CSMD1: variants seen among roughly 807,000 people sequenced by gnomAD.
CSMD1 encodes CUB and Sushi multiple domains 1.
Under a neutral mutation model 417.5 loss-of-function variants are expected in CSMD1, and 213 were observed. The observed-to-expected ratio is 0.51, with a 90% CI of 0.46 to 0.57. The LOEUF (loss-of-function observed/expected upper bound fraction) is 0.57, where lower values mean the gene tolerates loss of function less well. CSMD1 is among the 20% of genes least tolerant of loss of function. CSMD1 has a pLI of 0.00. For missense variants in CSMD1, 6,923 were observed against 4,529.7 expected (o/e 1.53, Z -15.17); for synonymous variants, 2,862 against 1,736.8 (o/e 1.65, Z -16.11).
chr8:4,401,343 C>G (rs1474738949), intron 3 of CSMD1, among the ~76,000 whole-genome samples: 1 of 152,116 alleles, frequency 6.6e-6, no homozygotes, highest in African/African-American at 2.4e-5. Flanking sequence ...CAATCAAACC[C>G]ACACGTATTG....
intron 1 of CSMD1, among the ~76,000 whole-genome samples, chr8:4,665,064 T>A (rs1020994247): frequency 1.3e-5 from 2 of 152,184 alleles, no homozygotes; most frequent in Non-Finnish European, 2.9e-5. Flanking sequence ...GCAGAAAAGG[T>A]ATTAGTTTCC....
chr8:4,745,586 G>A (rs960515759), intron 1 of CSMD1, among the ~76,000 whole-genome samples: 1 of 152,084 alleles, frequency 6.6e-6, no homozygotes, highest in African/African-American at 2.4e-5. Context: ...TTTCTTAGAT[G>A]CTAGAAATAA....
At chr8:4,387,570 C>CAAAAGAAAAAA (rs1803536289) in intron 3 of CSMD1, among the ~76,000 whole-genome samples, 1 of 37,208 alleles carries the variant, frequency 2.7e-5, no homozygotes, top group African/African-American at 7.3e-5. Flanking sequence ...TCCAAACTGG[C>CAAAAGAAAAAA]AAAAAAAAAA....
intron 6 of CSMD1, among the ~76,000 whole-genome samples, chr8:3,733,866 A>T (rs1450090130): frequency 6.6e-6 from 1 of 152,190 alleles, no homozygotes; most frequent in Non-Finnish European, 1.5e-5. Flanking sequence ...TTTATAAATT[A>T]AACTTTATCA....
chr8:3,342,605 C>A (rs1241179532), intron 23 of CSMD1, among the ~76,000 whole-genome samples: 1 of 152,174 alleles, frequency 6.6e-6, no homozygotes, highest in African/African-American at 2.4e-5. Context: ...AACACAGCAT[C>A]TCTTTTATTT....
intron 10 of CSMD1, among the ~76,000 whole-genome samples, chr8:3,570,814 G>C (rs143490735): frequency 1.2e-4 from 18 of 152,254 alleles, no homozygotes; most frequent in African/African-American, 4.3e-4. Flanking sequence ...GCAATGGGAC[G>C]ACAAGGAGTT....
intron 3 of CSMD1, among the ~76,000 whole-genome samples, chr8:4,313,971 G>GCC: frequency 6.6e-6 from 1 of 151,684 alleles, no homozygotes; most frequent in African/African-American, 2.4e-5. Context: ...CCGAGACTGC[G>GCC]CCCCTGCACT....
chr8:3,856,868 C>T (rs777363506), intron 5 of CSMD1, among the ~76,000 whole-genome samples: 8 of 152,168 alleles, frequency 5.3e-5, no homozygotes, highest in South Asian at 2.1e-4. Flanking sequence ...CCAGCATGGA[C>T]ATGAGTCATG....
chr8:4,448,145 G>T (rs568442079), intron 2 of CSMD1, among the ~76,000 whole-genome samples: 1 of 152,014 alleles, frequency 6.6e-6, no homozygotes, highest in African/African-American at 2.4e-5. Flanking sequence ...AATGTGTATC[G>T]CTCGTATCAC....
At position 4,928,132 on chromosome 8, in the gene CSMD1, C is replaced by T. The variant is rs537592155; in HGVS notation, c.85+66200G>A. Among the ~76,000 whole-genome samples, 132 of 152,274 alleles carry T rather than the reference C, an allele frequency of 8.7e-4. 1 individual carries two copies. Among genetic ancestry groups the T allele is most frequent in the Non-Finnish European group, 1.6e-3 (108 of 68,022 alleles). On this transcript the variant is annotated intron_variant, in intron 1 of 69. Coordinates refer to ENST00000635120, the MANE Select transcript of CSMD1 (RefSeq NM_033225.6). ...GCCCACTTTGCTATTCCACCCCAGCCTCTGCCCACGTGGGACGCACACATA... is the reference window on the plus strand; with the variant it reads ...GCCCACTTTGCTATTCCACCCCAGCTTCTGCCCACGTGGGACGCACACATA...
At position 3,106,625 on chromosome 8, in the gene CSMD1, G is replaced by T; in HGVS notation, c.6852C>A (p.Tyr2284Ter). 1 of 1,612,414 alleles carries T rather than the reference G, an allele frequency of 6.2e-7. No individual in the cohort carries two copies. ...CCAAGGTGTACCCGGGGTGGCACTG[G>T]TACTTCACAAAATCTCCTAGAAGAG... Reference protein sequence around the residue: ...DDFEIGDFVKYQCHPGYTLVG... With the variant: ...DDFEIGDFVK The change falls in exon 46 of 70, where the codon TAC becomes TAA. Residue 2284 changes from tyrosine to a stop codon, truncating the protein, a stop_gained. Transcript: ENST00000635120. LOFTEE classifies it high-confidence loss of function.
intron 12 of CSMD1, among the ~76,000 whole-genome samples, chr8:3,464,583 T>G (rs922476199): frequency 6.7e-6 from 1 of 149,780 alleles, no homozygotes; most frequent in Non-Finnish European, 1.5e-5. Flanking sequence ...TTTATAAATA[T>G]ATAAATAAAT....
At chr8:4,446,588 C>T (rs986660422) in intron 2 of CSMD1, among the ~76,000 whole-genome samples, 1 of 152,106 alleles carries the variant, frequency 6.6e-6, no homozygotes, top group Admixed American at 6.6e-5. Flanking sequence ...GAGTCTCATT[C>T]TGTCACCCAG....
chr8:4,952,503 C>T (rs368348035), intron 1 of CSMD1, among the ~76,000 whole-genome samples: 1 of 151,876 alleles, frequency 6.6e-6, no homozygotes, highest in Non-Finnish European at 1.5e-5. Context: ...AAAAGTTTAC[C>T]TTTTCATGAA....
chr8:4,450,245 G>A (rs149663739), intron 2 of CSMD1, among the ~76,000 whole-genome samples: 3 of 152,192 alleles, frequency 2.0e-5, no homozygotes, highest in Non-Finnish European at 4.4e-5. Flanking sequence ...AAAGCAAAGA[G>A]ACAGTGTCTG....
rs57667165 is a variant in CSMD1 at position 4,574,391 on chromosome 8, C to T, written c.302+62951G>A. 1.4e-3 allele frequency among the ~76,000 whole-genome samples: 215 copies of T among 152,238 alleles called. 2 individuals are homozygous for T. Among genetic ancestry groups the T allele is most frequent in the African/African-American group, 5.0e-3 (207 of 41,546 alleles). On this transcript the variant is annotated intron_variant, in intron 2 of 69. Transcript: ENST00000635120. Reference sequence around the variant, plus strand: ...GGCTAGGAGAGGGGGTTACCCAGCCCCTTGCACTTCCCCGGTGAGGCAATG... The same window carrying T: ...GGCTAGGAGAGGGGGTTACCCAGCCTCTTGCACTTCCCCGGTGAGGCAATG...
intron 10 of CSMD1, among the ~76,000 whole-genome samples, chr8:3,569,842 G>C (rs943323166): frequency 1.3e-5 from 2 of 152,082 alleles, no homozygotes; most frequent in Non-Finnish European, 2.9e-5. Context: ...TAAGAGTATT[G>C]GTTGTGCGGG....
At chr8:3,326,507 T>C (rs1018050446) in intron 23 of CSMD1, among the ~76,000 whole-genome samples, 5 of 152,232 alleles carry the variant, frequency 3.3e-5, no homozygotes. Flanking sequence ...TCCTGAATGT[T>C]GTCACGTTTG....
chr8:3,067,318 G>T (rs542851833), intron 49 of CSMD1, among the ~76,000 whole-genome samples: 1 of 152,136 alleles, frequency 6.6e-6, no homozygotes, highest in South Asian at 2.1e-4. Flanking sequence ...TGCCTCAAAT[G>T]CCCATCTTTT....
Sources: gnomAD v4.1 joint callset for allele counts (sites outside exome capture counted in the v4.1 genomes callset) on GRCh38, gnomAD v4.1.1 for gene constraint, MANE v1.5 for transcripts, NCBI Gene and HGNC (gene_info 2026-07-23, HGNC 2026-07-21) for gene names.